Variants in CCDC141 observed in about 807,000 individuals in gnomAD.
CCDC141 encodes coiled-coil domain containing 141, also known as coiled-coil domain-containing protein 141.
A neutral mutation model predicts 181.0 loss-of-function variants in CCDC141; 168 were observed. The observed-to-expected ratio is 0.93, with a 90% CI of 0.82 to 1.05. The LOEUF (loss-of-function observed/expected upper bound fraction) is 1.05, where lower values mean the gene tolerates loss of function less well. Among genes scored for constraint, CCDC141 ranks in the 50% least tolerant of loss-of-function variants. The pLI is 0.00. For missense variants in CCDC141, 1,902 were observed against 1,788.5 expected (o/e 1.06, Z -1.14); for synonymous variants, 666 against 642.3 (o/e 1.04, Z -0.56).
At chr2:179,031,118 A>T (rs1027280328) in intron 2 of CCDC141, among the ~76,000 whole-genome samples, 1 of 152,052 alleles carries the variant, frequency 6.6e-6, no homozygotes, top group Non-Finnish European at 1.5e-5. Flanking sequence ...AGACTAAACT[A>T]TCTCAATTTA....
At chr2:178,925,563 C>T (rs867347057) in intron 6 of CCDC141, among the ~76,000 whole-genome samples, 1 of 152,198 alleles carries the variant, frequency 6.6e-6, no homozygotes, top group African/African-American at 2.4e-5. Context: ...TTTAATTACA[C>T]AGGAATTCTG....
chr2:178,821,958 G>GT, the CCDC141 span, among the ~76,000 whole-genome samples: 13 of 152,016 alleles, frequency 8.6e-5, no homozygotes, highest in Non-Finnish European at 1.8e-4. Flanking sequence ...ACATGCACAC[G>GT]TATGTTTATT....
chr2:178,836,591 C>G (rs1362057252), intron 23 of CCDC141: 1 of 229,382 alleles, frequency 4.4e-6, no homozygotes, highest in African/African-American at 2.3e-5. Flanking sequence ...TAATTTCAAC[C>G]CACAATCTTT....
At chr2:178,884,298 T>C (rs1163793413) in intron 11 of CCDC141, among the ~76,000 whole-genome samples, 1 of 150,838 alleles carries the variant, frequency 6.6e-6, no homozygotes, top group Non-Finnish European at 1.5e-5. Context: ...CAAGGGAAAG[T>C]TAAGCTTGGG....
the CCDC141 span, among the ~76,000 whole-genome samples, chr2:178,822,267 G>A: frequency 6.6e-6 from 1 of 151,820 alleles, no homozygotes; most frequent in African/African-American, 2.4e-5. Flanking sequence ...TGGGGTGGGG[G>A]GAGTGGGGAG....
intron 2 of CCDC141, among the ~76,000 whole-genome samples, chr2:179,030,880 C>T (rs1228147710): frequency 1.3e-5 from 2 of 152,034 alleles, no homozygotes; most frequent in East Asian, 3.8e-4. Context: ...TAAATCTCAT[C>T]TCACAATTTT....
intron 17 of CCDC141, among the ~76,000 whole-genome samples, chr2:178,857,308 A>C (rs1685430428): frequency 6.6e-6 from 1 of 152,194 alleles, no homozygotes; most frequent in African/African-American, 2.4e-5. Flanking sequence ...ACCCAATATG[A>C]GATTTAGTAG....
chr2:178,977,892 C>T (rs10930847), intron 3 of CCDC141, among the ~76,000 whole-genome samples: 71,530 of 151,922 alleles, frequency 0.47, 17,533 homozygotes, highest in East Asian at 0.71. Flanking sequence ...TTGTAGAATT[C>T]GAGAAAAATC....
chr2:178,847,313 T>C (rs1048465394), intron 21 of CCDC141, among the ~76,000 whole-genome samples: 27 of 152,140 alleles, frequency 1.8e-4, no homozygotes, highest in Non-Finnish European at 3.7e-4. Context: ...AAAGATCACT[T>C]GAGCCCAGGA....
rs1256922695 is a variant in CCDC141 at position 178,869,755 on chromosome 2, A to G, written c.2206-450T>C. On this transcript the variant is annotated intron_variant, in intron 14 of 23. Coordinates refer to ENST00000443758, the MANE Select transcript of CCDC141 (RefSeq NM_173648.4). ...ATAACTTGTGCTCTGTGATAAAAGAATGATCAGAATGAACCACCAGCTGAA... is the reference window on the plus strand; with the variant it reads ...ATAACTTGTGCTCTGTGATAAAAGAGTGATCAGAATGAACCACCAGCTGAA... 3.9e-5 allele frequency among the ~76,000 whole-genome samples: 6 copies of G among 152,356 alleles called. No homozygotes were observed. The East Asian group carries it at 1.2e-3, about 29-fold the overall frequency.
chr2:179,000,628 CCT>C (rs1326294900), intron 2 of CCDC141, among the ~76,000 whole-genome samples: 5 of 152,138 alleles, frequency 3.3e-5, no homozygotes, highest in African/African-American at 4.8e-5. Context: ...CAATTATTCC[CCT>C]GTTGTTAAAT....
chr2:178,961,712 G>A lies in CCDC141; in HGVS notation c.527-229C>T, dbSNP rs185718204. 3.7e-3 allele frequency among the ~76,000 whole-genome samples: 566 copies of A among 152,302 alleles called. 4 individuals are homozygous for A. The highest frequency in any genetic ancestry group is 6.5e-3 in the Non-Finnish European group (444 of 68,028). ...GTGATAGTGCTAACTGCCAACTGAT[G>A]GGATGCTTTGTTCAGCAATTGTGTG... On this transcript the variant is annotated intron_variant, in intron 4 of 23. Coordinates refer to ENST00000443758, the MANE Select transcript of CCDC141 (RefSeq NM_173648.4).
At chr2:178,976,525 A>G (rs1291617783) in intron 3 of CCDC141, among the ~76,000 whole-genome samples, 1 of 152,208 alleles carries the variant, frequency 6.6e-6, no homozygotes, top group Non-Finnish European at 1.5e-5. Flanking sequence ...ATCCTATTAG[A>G]ACAACCTGAT....
chr2:178,936,011 C>T (rs527958402), intron 6 of CCDC141, among the ~76,000 whole-genome samples: 4 of 151,932 alleles, frequency 2.6e-5, no homozygotes, highest in Non-Finnish European at 4.4e-5. Context: ...TTGTCAGATG[C>T]ATAGTTTATA....
rs1689727564 is a variant in CCDC141, at chr2:178,946,273, G to A, written c.781-1622C>T. 2.0e-5 allele frequency among the ~76,000 whole-genome samples: 3 copies of A among 152,158 alleles called. No individual in the cohort carries two copies. The South Asian group carries it at 6.2e-4, about 32-fold the overall frequency. Reference sequence around the variant, plus strand: ...TTCTGGTATCCAATTAGAGCTAGATGATATGTACAATGTGCCTATGAAAAC... The same window carrying A: ...TTCTGGTATCCAATTAGAGCTAGATAATATGTACAATGTGCCTATGAAAAC... On this transcript the variant is annotated intron_variant, in intron 5 of 23. Coordinates refer to ENST00000443758, the MANE Select transcript of CCDC141 (RefSeq NM_173648.4).
chr2:178,845,264 A>G (rs1262163585), intron 22 of CCDC141, among the ~76,000 whole-genome samples: 1 of 152,160 alleles, frequency 6.6e-6, no homozygotes, highest in South Asian at 2.1e-4. Flanking sequence ...ATAAAAAGGG[A>G]TAAGTAAAAT....
the CCDC141 span, among the ~76,000 whole-genome samples, chr2:178,819,436 A>C: frequency 6.6e-6 from 1 of 152,256 alleles, no homozygotes; most frequent in South Asian, 2.1e-4. Context: ...GAACAAAAAT[A>C]AGAAAAAGTT....
At chr2:178,940,757 A>G (rs1689477170) in intron 6 of CCDC141, among the ~76,000 whole-genome samples, 1 of 152,184 alleles carries the variant, frequency 6.6e-6, no homozygotes, top group African/African-American at 2.4e-5. Context: ...GGCACTGTCC[A>G]ATGTGCTGGG....
intron 2 of CCDC141, among the ~76,000 whole-genome samples, chr2:179,027,617 C>T (rs1188652228): frequency 1.5e-5 from 2 of 131,132 alleles, no homozygotes; most frequent in African/African-American, 3.1e-5. Context: ...TGCACTCCAG[C>T]CTGGGCAACA....
Sources: allele counts gnomAD v4.1 joint callset (sites outside exome capture counted in the v4.1 genomes callset), GRCh38; gene constraint gnomAD v4.1.1; transcripts MANE v1.5; gene names NCBI Gene and HGNC (gene_info 2026-07-23, HGNC 2026-07-21).